Variants in DLC1 observed in about 807,000 individuals in gnomAD.
DLC1 encodes the protein rho GTPase-activating protein 7.
A neutral mutation model predicts 140.3 loss-of-function variants in DLC1; 54 were observed. The ratio of observed to expected loss-of-function variants is 0.38; its 90% confidence interval spans 0.31 to 0.48. The LOEUF (loss-of-function observed/expected upper bound fraction) is 0.48, where lower values mean the gene tolerates loss of function less well. Ranked by LOEUF, DLC1 falls within the 20% of genes least tolerant of loss-of-function variation. The probability of loss-of-function intolerance (pLI) is 0.96; values close to 1 mark genes in which losing one functional copy is unlikely to be tolerated. For synonymous variants in DLC1, 986 were observed against 728.1 expected (o/e 1.35, Z -5.70); for missense variants, 2,536 against 1,907.0 (o/e 1.33, Z -6.14).
At chr8:13,136,591 G>C (rs1485837839) in intron 5 of DLC1, among the ~76,000 whole-genome samples, 3 of 152,198 alleles carry the variant, frequency 2.0e-5, no homozygotes, top group South Asian at 2.1e-4. Context: ...CACTGCAGCC[G>C]AATGTCTGTG....
chr8:13,340,426 C>G (rs1388405934), intron 4 of DLC1: 1 of 152,270 alleles, frequency 6.6e-6, no homozygotes, highest in African/African-American at 2.4e-5. Flanking sequence ...GTCTTGAACT[C>G]CTGACCTCAA....
chr8:13,302,729 GAC>G (rs1441775034), intron 5 of DLC1, among the ~76,000 whole-genome samples: 95 of 131,218 alleles, frequency 7.2e-4, no homozygotes, highest in Middle Eastern at 4.2e-3. Flanking sequence ...AAAAAAAAAT[GAC>G]AGGCCTTAGG....
intron 5 of DLC1, among the ~76,000 whole-genome samples, chr8:13,154,776 T>C (rs1264448792): frequency 6.6e-6 from 1 of 152,208 alleles, no homozygotes; most frequent in Non-Finnish European, 1.5e-5. Context: ...CACACTCATA[T>C]TTAATGTAAA....
intron 5 of DLC1, among the ~76,000 whole-genome samples, chr8:13,233,517 G>A (rs1002682345): frequency 1.3e-5 from 2 of 151,806 alleles, no homozygotes; most frequent in African/African-American, 4.8e-5. Context: ...GATATTTTAA[G>A]GGCCGAATAT....
intron 5 of DLC1, among the ~76,000 whole-genome samples, chr8:13,152,542 C>A (rs772414043): frequency 1.1e-4 from 16 of 151,962 alleles, no homozygotes; most frequent in Non-Finnish European, 2.2e-4. Context: ...TGTGCTAATG[C>A]CATTCAAATA....
chr8:13,261,427 G>T (rs1171829835), intron 5 of DLC1, among the ~76,000 whole-genome samples: 2 of 152,278 alleles, frequency 1.3e-5, no homozygotes, highest in Admixed American at 1.3e-4. Context: ...CTTGGCCATA[G>T]AAGGGATTTT....
chr8:13,554,069 C>A (rs1326628226), intron 1 of DLC1, among the ~76,000 whole-genome samples: 2 of 151,760 alleles, frequency 1.3e-5, no homozygotes, highest in African/African-American at 4.8e-5. Context: ...TTTTTGTTTG[C>A]TTGTTTTGTT....
chr8:13,551,047 A>AACAC (rs1554542230), intron 1 of DLC1, among the ~76,000 whole-genome samples: 2,010 of 123,032 alleles, frequency 0.016, 76 homozygotes, highest in African/African-American at 0.058. Flanking sequence ...GATTTCTTTA[A>AACAC]ACACACACAC....
At chr8:13,593,965 G>T (rs1268433646) in intron 1 of DLC1, among the ~76,000 whole-genome samples, 1 of 152,046 alleles carries the variant, frequency 6.6e-6, no homozygotes, top group Non-Finnish European at 1.5e-5. Context: ...CTGAAGACGA[G>T]CCTGGGCAAC....
intron 5 of DLC1, among the ~76,000 whole-genome samples, chr8:13,267,921 T>C (rs13250972): frequency 6.6e-6 from 1 of 152,126 alleles, no homozygotes; most frequent in African/African-American, 2.4e-5. Flanking sequence ...TATGTCTTGG[T>C]GATTTTGATT....
In DLC1 at chr8:13,324,572, CAAAA is replaced by C. The variant is rs5889431; in HGVS notation, c.1315-19274_1315-19271del. Among the ~76,000 whole-genome samples, 5 of 110,264 alleles carry C rather than the reference CAAAA, an allele frequency of 4.5e-5. No homozygotes were observed. In the Admixed American group the frequency reaches 5.4e-4, roughly 12 times the overall value. The allele number at this position is 110,264 out of a possible 152,430, so 72.3% of individuals were successfully genotyped here. A position where few individuals can be genotyped will look rare whatever the true frequency, so the allele number is the denominator to read the frequency against. The stretch of plus-strand genomic sequence containing the variant: ...TGGGCAAAAGAGCTAGACTCCGTCT[CAAAA>C]AAAAAAAAAAAAAGATTTTAAGATC... On this transcript the variant is annotated intron_variant, in intron 4 of 17. Transcript: ENST00000276297.
chr8:13,533,207 A>G (rs1803159599), intron 1 of DLC1, among the ~76,000 whole-genome samples: 1 of 151,674 alleles, frequency 6.6e-6, no homozygotes, highest in African/African-American at 2.4e-5. Flanking sequence ...TCAAAATATA[A>G]CCACGAACAA....
At chr8:13,380,544 A>G (rs1460544047) in intron 4 of DLC1, among the ~76,000 whole-genome samples, 3 of 152,198 alleles carry the variant, frequency 2.0e-5, no homozygotes, top group Non-Finnish European at 4.4e-5. Context: ...GTATGTACCC[A>G]TCTTTAGTCC....
rs1837310100 is a variant in DLC1 at position 13,401,724 on chromosome 8, C to T, written c.1024-105G>A. 15 of 1,404,826 alleles carry T rather than the reference C, an allele frequency of 1.1e-5. No homozygotes were observed. The South Asian group carries it at 1.7e-4, about 16-fold the overall frequency. 87.0% of individuals were successfully genotyped at this position (1,404,826 alleles called of 1,614,324 possible). A position where few individuals can be genotyped will look rare whatever the true frequency, so the allele number is the denominator to read the frequency against. ...GACAAAAAGTACACTGGATAATAGG[C>T]AGTCTTTAATTAGAAGAGAAGTTCC... On this transcript the variant is annotated intron_variant, in intron 2 of 17. Coordinates refer to ENST00000276297, the MANE Select transcript of DLC1 (RefSeq NM_182643.3).
At chr8:13,293,423 T>C (rs1385973680) in intron 5 of DLC1, among the ~76,000 whole-genome samples, 1 of 152,150 alleles carries the variant, frequency 6.6e-6, no homozygotes, top group Non-Finnish European at 1.5e-5. Flanking sequence ...TGTTCTCTGG[T>C]GGAAGAAGGA....
chr8:13,485,766 A>G (rs1056401583), intron 2 of DLC1, among the ~76,000 whole-genome samples: 2 of 152,216 alleles, frequency 1.3e-5, no homozygotes, highest in African/African-American at 4.8e-5. Context: ...TAGGATTCCA[A>G]TAACTATCGG....
At chr8:13,197,293 C>G (rs1427845623) in intron 5 of DLC1, among the ~76,000 whole-genome samples, 1 of 151,778 alleles carries the variant, frequency 6.6e-6, no homozygotes, top group Non-Finnish European at 1.5e-5. Context: ...TGATCAGATT[C>G]CCTAATTAGT....
At chr8:13,451,815 G>A (rs1799071891) in intron 2 of DLC1, among the ~76,000 whole-genome samples, 1 of 152,180 alleles carries the variant, frequency 6.6e-6, no homozygotes, top group South Asian at 2.1e-4. Context: ...TGTGAACAGT[G>A]CTGCAACAAA....
In DLC1 at chr8:13,100,628, G is replaced by C. The variant is rs754077398; in HGVS notation, c.1709C>G (p.Ser570Cys). The change falls in exon 9 of 18, where the codon TCC (serine) becomes TGC (cysteine). Residue 570 changes from serine (S) to cysteine (C), a missense_variant. Ser to Cys is a moderately radical substitution (Grantham distance 112). Coordinates refer to ENST00000276297, the MANE Select transcript of DLC1 (RefSeq NM_182643.3). ...GGGGCTGGGGCCGTCCTTCGGGTGG[G>C]AGTCGTCTGGGGACCCAGGGACCAG... ...QDLVPGSPDD[S>C]HPKDGPSPGG... 7 of 1,613,970 alleles carry C rather than the reference G, an allele frequency of 4.3e-6. No individual in the cohort carries two copies. The highest frequency in any genetic ancestry group is 1.7e-5 in the Admixed American group (1 of 60,002).
Sources: gnomAD v4.1 joint callset for allele counts (sites outside exome capture counted in the v4.1 genomes callset) on GRCh38, gnomAD v4.1.1 for gene constraint, MANE v1.5 for transcripts, NCBI Gene and HGNC (gene_info 2026-07-23, HGNC 2026-07-21) for gene names.